SPPL2B: variants seen among roughly 807,000 people sequenced by gnomAD.
SPPL2B encodes the protein signal peptide peptidase-like 2B.
Under a neutral mutation model 59.7 loss-of-function variants are expected in SPPL2B, and 39 were observed. The observed-to-expected ratio is 0.65, with a 90% CI of 0.51 to 0.85. The LOEUF (loss-of-function observed/expected upper bound fraction) is 0.85, where lower values mean the gene tolerates loss of function less well. Among genes scored for constraint, SPPL2B ranks in the 40% least tolerant of loss-of-function variants. The pLI is 0.00. For missense variants in SPPL2B, 865 were observed against 849.0 expected, an observed-to-expected ratio of 1.02 and a Z score of -0.23; for synonymous variants, 419 against 370.8, an observed-to-expected ratio of 1.13 and a Z score of -1.49.
intron 13 of SPPL2B, among the ~76,000 whole-genome samples, chr19:2,347,213 CCACACA>C (rs1174439941): frequency 6.9e-6 from 1 of 144,220 alleles, no homozygotes. Flanking sequence ...TTCTCTCCCT[CCACACA>C]CACACTCACG....
chr19:2,328,911 TCG>T, intron 1 of SPPL2B, 136 bp downstream of exon 1: 1 of 782,220 alleles, frequency 1.3e-6, no homozygotes, highest in Non-Finnish European at 1.8e-6. Flanking sequence ...CCCCGCGTTG[TCG>T]GCCGGCGGTG....
At chr19:2,350,385 T>C (rs925814161) in intron 13 of SPPL2B, among the ~76,000 whole-genome samples, 2 of 139,904 alleles carry the variant, frequency 1.4e-5, no homozygotes, top group Non-Finnish European at 3.1e-5. Flanking sequence ...CCACACACAC[T>C]CGCGTTCTCA....
chr19:2,341,648 C>T, intron 8 of SPPL2B: 1 of 455,242 alleles, frequency 2.2e-6, no homozygotes, highest in South Asian at 1.5e-5. Context: ...CTGAGGCAGC[C>T]AAGTACGCTT....
chr19:2,341,632 G>A (rs1363121359), intron 8 of SPPL2B: 1 of 455,936 alleles, frequency 2.2e-6, no homozygotes, highest in East Asian at 7.0e-5. Context: ...CTTCCTCCCA[G>A]CCTTCCTGAG....
chr19:2,330,938 TGTCCCTG>T (rs373139227), intron 1 of SPPL2B, among the ~76,000 whole-genome samples: 14 of 152,208 alleles, frequency 9.2e-5, no homozygotes, highest in African/African-American at 3.4e-4. Context: ...CTGAGACGCC[TGTCCCTG>T]GAGGGGGGCA....
At chr19:2,345,362 C>T (rs368485194) in intron 13 of SPPL2B, 32 bp downstream of exon 13, 365 of 1,594,554 alleles carry the variant, frequency 2.3e-4, no homozygotes, top group Middle Eastern at 1.7e-3. Context: ...GTGCTGGCCT[C>T]TCTGGCTCCA....
intron 13 of SPPL2B, among the ~76,000 whole-genome samples, chr19:2,349,275 T>C (rs373390405): frequency 2.6e-4 from 2 of 7,602 alleles, no homozygotes; most frequent in Non-Finnish European, 4.9e-4. Context: ...CACACTCGTG[T>C]TCTCATTCGC....
chr19:2,340,894 C>G lies in SPPL2B; in HGVS notation c.840-4C>G. The G allele has an allele frequency of 3.2e-6, 5 of 1,578,838 alleles. No individual in the cohort carries two copies. The highest frequency in any genetic ancestry group is 1.1e-5 in the South Asian group (1 of 88,090). ...CTTGGCTCTGACTGCCCCGTGCCCC[C>G]CAGGATCCCCAACAACAGCCTGCCC... is the stretch of plus-strand genomic sequence containing the variant. On this transcript the variant is annotated splice_polypyrimidine_tract_variant and splice_region_variant and intron_variant, in intron 7 of 14. Transcript: ENST00000613503.
intron 2 of SPPL2B, among the ~76,000 whole-genome samples, chr19:2,335,983 AG>A (rs1968580333): frequency 6.6e-6 from 1 of 152,062 alleles, no homozygotes; most frequent in Admixed American, 6.5e-5. Flanking sequence ...GTGAACACAT[AG>A]GTGTGTGTCA....
chr19:2,347,837 TTC>T (rs747205538), intron 13 of SPPL2B, among the ~76,000 whole-genome samples: 1 of 17,652 alleles, frequency 5.7e-5, no homozygotes, highest in Non-Finnish European at 1.2e-4. Context: ...CCTGATTCCG[TTC>T]TCTCTCCACA....
In SPPL2B at chr19:2,344,013, G is replaced by C; in HGVS notation, c.1087G>C (p.Val363Leu). Residue 363 changes from valine (V) to leucine (L), a missense_variant, in exon 10 of 15, where the codon GTG (valine) becomes CTG (leucine). Transcript: ENST00000613503. ...LVLFLYDIFF[V>L]FITPFLTKSG... is the part of the protein sequence containing the mutation. ...GCTGTTCCTCTACGACATCTTCTTCGTGTTCATCACGCCCTTCCTGACCAA... is the reference window on the plus strand; with the variant it reads ...GCTGTTCCTCTACGACATCTTCTTCCTGTTCATCACGCCCTTCCTGACCAA... 6.5e-7 allele frequency: 1 copy of C among 1,548,284 alleles called. No individual in the cohort carries two copies. Among genetic ancestry groups the C allele is most frequent in the South Asian group, 1.2e-5 (1 of 83,970 alleles).
At chr19:2,343,021 C>T (rs942210406) in intron 8 of SPPL2B, 190 bp from the exon 9 acceptor site, 6 of 597,276 alleles carry the variant, frequency 1.0e-5, no homozygotes, top group African/African-American at 1.9e-5. Context: ...GTGCCGCCAG[C>T]CCTGCTGGAG....
chr19:2,339,703 C>A, intron 5 of SPPL2B, 121 bp from the exon 6 acceptor site: 2 of 1,189,928 alleles, frequency 1.7e-6, no homozygotes, highest in Admixed American at 2.1e-5. Context: ...CACTTCAGTC[C>A]CCCCCGGGTC....
chr19:2,328,744 T>C lies in SPPL2B; in HGVS notation c.35T>C (p.Leu12Pro). The C allele has an allele frequency of 2.1e-6, 3 of 1,462,050 alleles. No homozygotes were observed. The highest frequency in any genetic ancestry group is 2.7e-6 in the Non-Finnish European group (3 of 1,115,496). 90.6% of individuals were successfully genotyped at this position (1,462,050 alleles called of 1,614,324 possible). A position where few individuals can be genotyped will look rare whatever the true frequency, so the allele number is the denominator to read the frequency against. The change falls in exon 1 of 15, where the codon CTT becomes CCT. Residue 12 changes from leucine (L) to proline (P), a missense_variant. Physicochemically the swap from Leu to Pro is moderately conservative, Grantham distance 98. Transcript: ENST00000613503. ...AAAVAAALAR[L>P]LAAFLLLAAQ... ...GCGGTGGCGGCTGCGCTGGCGCGGC[T>C]TTTGGCGGCCTTTCTGCTCCTCGCG...
At chr19:2,329,908 G>C (rs935940197) in intron 1 of SPPL2B, among the ~76,000 whole-genome samples, 2 of 152,072 alleles carry the variant, frequency 1.3e-5, no homozygotes, top group African/African-American at 2.4e-5. Context: ...AGGCTGTCGG[G>C]CCCCCTCGGA....
chr19:2,349,798 ACG>A (rs1227700033), intron 13 of SPPL2B, among the ~76,000 whole-genome samples: 2 of 103,300 alleles, frequency 1.9e-5, no homozygotes, highest in Non-Finnish European at 4.1e-5. Context: ...ACACACACTC[ACG>A]CGCTCTCATT....
intron 8 of SPPL2B, chr19:2,341,280 G>T: frequency 1.6e-6 from 1 of 643,126 alleles, no homozygotes; most frequent in South Asian, 1.5e-5. Flanking sequence ...ACGTCCTCCA[G>T]CCTGGATGGG....
At chr19:2,336,987 C>T (rs77283436) in intron 2 of SPPL2B, 10,112 of 155,096 alleles carry the variant, frequency 0.065, 1,113 homozygotes, top group African/African-American at 0.24. Flanking sequence ...CGTGTTCCGG[C>T]CTGGCTGTGG....
Position 2,332,750 on chromosome 19 carries a change from T to C in SPPL2B, c.67-1852T>C, listed in dbSNP as rs1325478591. On this transcript the variant is annotated intron_variant, in intron 1 of 14. Transcript: ENST00000613503. The surrounding 1 kb of genome is among the most constrained non-coding windows in gnomAD (Gnocchi z 4.6). Reference sequence around the variant, plus strand: ...TTTTTCTTCTGGGACCCCTCCTCCCTGTGCAGGCCGGGCTCCCCTGGGGGC... The same window carrying C: ...TTTTTCTTCTGGGACCCCTCCTCCCCGTGCAGGCCGGGCTCCCCTGGGGGC... Among the ~76,000 whole-genome samples, 1 of 152,094 alleles carries C rather than the reference T, an allele frequency of 6.6e-6. No homozygotes were observed. The highest frequency in any genetic ancestry group is 1.5e-5 in the Non-Finnish European group (1 of 67,992).
Sources: allele counts gnomAD v4.1 joint callset (sites outside exome capture counted in the v4.1 genomes callset), GRCh38; gene constraint gnomAD v4.1.1; non-coding constraint Gnocchi (gnomAD v3.1); transcripts MANE v1.5; gene names NCBI Gene and HGNC (gene_info 2026-07-23, HGNC 2026-07-21).